The following OSBPL9 variants were observed in gnomAD, a reference collection of about 807,000 sequenced individuals.
OSBPL9 encodes oxysterol-binding protein-related protein 9.
In OSBPL9, 40 loss-of-function variants were observed where a neutral mutation model predicts 106.6. The ratio of observed to expected loss-of-function variants is 0.38; its 90% CI spans 0.29 to 0.49. The LOEUF (loss-of-function observed/expected upper bound fraction) is 0.49. OSBPL9 is among the 20% of genes least tolerant of loss of function. The probability of loss-of-function intolerance (pLI) is 0.97; values close to 1 mark genes in which losing one functional copy is unlikely to be tolerated. For missense variants in OSBPL9, 609 were observed against 887.2 expected (o/e 0.69, Z 3.98); for synonymous variants, 269 against 295.4 (o/e 0.91, Z 0.92).
intron 8 of OSBPL9, among the ~76,000 whole-genome samples, chr1:51,751,344 T>C (rs1557801721): frequency 6.6e-6 from 1 of 152,066 alleles, no homozygotes; most frequent in Admixed American, 6.5e-5. Context: ...ATTACAGGCG[T>C]GAGCTACCAA....
At chr1:51,528,831 G>A in the OSBPL9 span, among the ~76,000 whole-genome samples, 9 of 152,080 alleles carry the variant, frequency 5.9e-5, no homozygotes, top group Admixed American at 1.3e-4. Context: ...CCCAGATTCC[G>A]CCACTGCACT....
intron 12 of OSBPL9, among the ~76,000 whole-genome samples, chr1:51,769,139 C>T (rs1054443197): frequency 6.6e-6 from 1 of 152,180 alleles, no homozygotes; most frequent in African/African-American, 2.4e-5. Context: ...CTCTGCCTGG[C>T]ATCTGTAGCT....
intron 3 of OSBPL9, chr1:51,707,909 A>G (rs1571220692): frequency 4.1e-6 from 1 of 244,264 alleles, no homozygotes; most frequent in Non-Finnish European, 8.3e-6. Context: ...GTGGGATCTC[A>G]CTCCTGGAAG....
At chr1:51,532,591 C>T in the OSBPL9 span, among the ~76,000 whole-genome samples, 4,994 of 152,200 alleles carry the variant, frequency 0.033, 134 homozygotes, top group East Asian at 0.13. Context: ...AGGTCAGTGG[C>T]GATGAATTTT....
In OSBPL9 at chr1:51,639,816, G is replaced by GTTT. The variant is rs758174157; in HGVS notation, c.112-12151_112-12149dup. Among the ~76,000 whole-genome samples, 280 of 67,050 alleles carry GTTT rather than the reference G, an allele frequency of 4.2e-3. 58 individuals carry two copies. The highest frequency in any genetic ancestry group is 0.013 in the African/African-American group (201 of 15,538). The allele number at this position is 67,050 out of a possible 152,430, so 44.0% of individuals were successfully genotyped here. ...CAGATTCGGGGAGGCATTCCTAGTT[G>GTTT]TTTTTTTTTTTTTTTTTTTTTTTTT... On this transcript the variant is annotated intron_variant, in intron 1 of 23. Coordinates refer to ENST00000428468, the MANE Select transcript of OSBPL9 (RefSeq NM_024586.6).
chr1:51,633,436 G>A (rs1645228889), intron 1 of OSBPL9, among the ~76,000 whole-genome samples: 1 of 151,544 alleles, frequency 6.6e-6, no homozygotes, highest in South Asian at 2.1e-4. Context: ...AATTATCCAG[G>A]TGTGGTGATG....
intron 3 of OSBPL9, among the ~76,000 whole-genome samples, chr1:51,701,866 C>T (rs1019809876): frequency 2.0e-5 from 3 of 152,078 alleles, no homozygotes; most frequent in Non-Finnish European, 2.9e-5. Flanking sequence ...TCTCGTTGTT[C>T]AATTCCCACC....
At chr1:51,761,839 C>A (rs1000151508) in intron 10 of OSBPL9, 28 bp from the exon 11 acceptor site, 44 of 1,523,822 alleles carry the variant, frequency 2.9e-5, no homozygotes, top group Non-Finnish European at 3.5e-5. Flanking sequence ...TGTTTCTGTA[C>A]CTTATTTTAT....
At chr1:51,695,869 T>A (rs1395854502) in intron 3 of OSBPL9, among the ~76,000 whole-genome samples, 2 of 152,206 alleles carry the variant, frequency 1.3e-5, no homozygotes, top group Admixed American at 6.5e-5. Context: ...CTTTTATTAT[T>A]TACAGTTAGA....
intron 3 of OSBPL9, among the ~76,000 whole-genome samples, chr1:51,702,440 T>C (rs895784957): frequency 1.3e-5 from 2 of 152,256 alleles, no homozygotes; most frequent in African/African-American, 4.8e-5. Context: ...GCTGCATAAA[T>C]GTCTTCTTTT....
chr1:51,786,673 C>T lies in OSBPL9; in HGVS notation c.2000+56C>T, dbSNP rs1035599134. The T allele has an allele frequency of 1.5e-5, 22 of 1,437,928 alleles. No homozygotes were observed. In the Admixed American group the frequency reaches 1.7e-4, roughly 11 times the overall value. 89.1% of individuals were successfully genotyped at this position (1,437,928 alleles called of 1,614,324 possible). On this transcript the variant is annotated intron_variant, in intron 22 of 23. Transcript: ENST00000428468. ...CTGCAGTGCTTAAACTTTGCCTAGG[C>T]GTAGGCACAGGGCTGGGTTTGAGAG...
At chr1:51,659,158 T>G (rs1425364455) in intron 2 of OSBPL9, among the ~76,000 whole-genome samples, 1 of 152,092 alleles carries the variant, frequency 6.6e-6, no homozygotes, top group Non-Finnish European at 1.5e-5. Flanking sequence ...AGAATTAATA[T>G]CAGACATAGA....
intron 3 of OSBPL9, among the ~76,000 whole-genome samples, chr1:51,696,316 T>C (rs1353255427): frequency 7.2e-5 from 11 of 152,140 alleles, no homozygotes; most frequent in Non-Finnish European, 1.5e-5. Context: ...TGTTTGCTTG[T>C]TCTACTTGCC....
At chr1:51,762,862 C>T (rs1395525020) in intron 11 of OSBPL9, among the ~76,000 whole-genome samples, 1 of 152,150 alleles carries the variant, frequency 6.6e-6, no homozygotes, top group Non-Finnish European at 1.5e-5. Flanking sequence ...GGAAGCAATA[C>T]TTCAGTGATA....
At chr1:51,666,367 G>T (rs1648514495) in intron 2 of OSBPL9, among the ~76,000 whole-genome samples, 1 of 152,140 alleles carries the variant, frequency 6.6e-6, no homozygotes. Flanking sequence ...AACAAATGGT[G>T]AGAAATAGAG....
intron 11 of OSBPL9, 51 bp downstream of exon 11, chr1:51,762,022 GGTTT>G: frequency 7.3e-7 from 1 of 1,369,810 alleles, no homozygotes; most frequent in Non-Finnish European, 1.0e-6. Flanking sequence ...TAACATTTGA[GGTTT>G]GTTTGTGACC....
At chr1:51,733,497 C>T (rs1028332322) in intron 4 of OSBPL9, among the ~76,000 whole-genome samples, 1 of 152,076 alleles carries the variant, frequency 6.6e-6, no homozygotes, top group Admixed American at 6.6e-5. Flanking sequence ...TGAGCAGGGC[C>T]GGGTGCGGTG....
intron 3 of OSBPL9, among the ~76,000 whole-genome samples, chr1:51,710,297 T>C (rs1306624549): frequency 6.6e-6 from 1 of 152,226 alleles, no homozygotes; most frequent in African/African-American, 2.4e-5. Context: ...ACTTAAGCAC[T>C]AGCTCTTCTT....
intron 1 of OSBPL9, among the ~76,000 whole-genome samples, chr1:51,588,248 G>A (rs572312484): frequency 3.3e-5 from 5 of 152,276 alleles, no homozygotes; most frequent in East Asian, 1.9e-4. Context: ...CAGGCATGGC[G>A]GCGCATGCCT....
Sources: allele counts gnomAD v4.1 joint callset (sites outside exome capture counted in the v4.1 genomes callset), GRCh38; gene constraint gnomAD v4.1.1; transcripts MANE v1.5; gene names NCBI Gene and HGNC (gene_info 2026-07-23, HGNC 2026-07-21).